Variants in ATXN10 observed in about 807,000 individuals in gnomAD.
The protein encoded by ATXN10 is ataxin 10.
A neutral mutation model predicts 52.9 loss-of-function variants in ATXN10; 28 were observed. That is an observed-to-expected ratio of 0.53 (90% CI 0.39 to 0.73). The LOEUF (loss-of-function observed/expected upper bound fraction) is 0.73, where lower values mean the gene tolerates loss of function less well. ATXN10 is among the 30% of genes least tolerant of loss of function. The pLI is 0.00. For missense variants in ATXN10, 565 were observed against 577.0 expected (o/e 0.98, Z 0.21); for synonymous variants, 226 against 221.5 (o/e 1.02, Z -0.18).
At chr22:45,689,320 T>C in intron 1 of ATXN10, 1 of 279,598 alleles carries the variant, frequency 3.6e-6, no homozygotes, top group Non-Finnish European at 6.9e-6. Context: ...TCACTGGAAC[T>C]GGGATTTGGG....
In ATXN10 at chr22:45,843,295, C is replaced by G; in HGVS notation, c.1425+117C>G. On this transcript the variant is annotated intron_variant, in intron 11 of 11. Transcript: ENST00000252934. The surrounding 1 kb of genome is among the most constrained non-coding windows in gnomAD (Gnocchi z 4.5). ...AATATGGATGGGAGAATTGTGCCCT[C>G]TATAGTGGTTTACCGAGGAAAGCCC... 1 of 1,188,218 alleles carries G rather than the reference C, an allele frequency of 8.4e-7. No homozygotes were observed. The highest frequency in any genetic ancestry group is 1.2e-6 in the Non-Finnish European group (1 of 816,676). 73.6% of individuals were successfully genotyped at this position (1,188,218 alleles called of 1,614,324 possible).
At position 45,683,810 on chromosome 22, in the gene ATXN10, C is replaced by T. The variant is rs764027619; in HGVS notation, c.117-5902C>T. On this transcript the variant is annotated intron_variant, in intron 1 of 11. Coordinates refer to ENST00000252934, the MANE Select transcript of ATXN10 (RefSeq NM_013236.4). The surrounding 1 kb of genome is among the most constrained non-coding windows in gnomAD (Gnocchi z 4.8). The stretch of plus-strand genomic sequence containing the variant: ...CTCTTCGAGCACAGTCCATCTTCCC[C>T]AGGTCTTTAATGCTATTGATAGATG... 1.3e-5 allele frequency among the ~76,000 whole-genome samples: 2 copies of T among 152,186 alleles called. No individual in the cohort carries two copies. The highest frequency in any genetic ancestry group is 2.4e-5 in the African/African-American group (1 of 41,440).
intron 9 of ATXN10, among the ~76,000 whole-genome samples, chr22:45,802,411 T>C (rs951013665): frequency 9.2e-5 from 14 of 152,236 alleles, no homozygotes; most frequent in Non-Finnish European, 1.8e-4. Context: ...AGCAGTAAAC[T>C]TGGACTTTGT....
rs184673906 is a variant in ATXN10, at chr22:45,773,151, C to T, written c.1173+32613C>T. Among the ~76,000 whole-genome samples, 267 of 152,280 alleles carry T rather than the reference C, an allele frequency of 1.8e-3. 1 individual carries two copies. The highest frequency in any genetic ancestry group is 3.1e-3 in the Non-Finnish European group (211 of 68,028). ...ATAGCCAGTTCCTGGTTGTTCGTCT[C>T]GCATGTGGAAATATGGTTAACTTTT... is the stretch of plus-strand genomic sequence containing the variant. On this transcript the variant is annotated intron_variant, in intron 9 of 11. Transcript: ENST00000252934.
chr22:45,804,252 C>CT (rs969174280), intron 9 of ATXN10, among the ~76,000 whole-genome samples: 6 of 152,244 alleles, frequency 3.9e-5, no homozygotes, highest in African/African-American at 1.4e-4. Context: ...CTGAGCCTCA[C>CT]TTTTTTATCT....
rs1222022205 is a variant in ATXN10 at position 45,772,884 on chromosome 22, T to C, written c.1173+32346T>C. On this transcript the variant is annotated intron_variant, in intron 9 of 11. Transcript: ENST00000252934. This position sits in a 1 kb window ranked among gnomAD's most constrained non-coding sequence, Gnocchi z 4.1. ...AAGTCCCTGATACAAAATGGTATGG[T>C]ATTTGCATATCACCTATGTACATCC... 6.6e-6 allele frequency among the ~76,000 whole-genome samples: 1 copy of C among 152,254 alleles called. No individual in the cohort carries two copies. The highest frequency in any genetic ancestry group is 2.1e-4 in the South Asian group (1 of 4,838).
Position 45,769,320 on chromosome 22 carries a change from A to G in ATXN10, c.1173+28782A>G, listed in dbSNP as rs1256873875. On this transcript the variant is annotated intron_variant, in intron 9 of 11. Coordinates refer to ENST00000252934, the MANE Select transcript of ATXN10 (RefSeq NM_013236.4). The surrounding 1 kb of genome is among the most constrained non-coding windows in gnomAD (Gnocchi z 4.2). ...CCCATACAGACACATTTTTGTTGTT[A>G]TATTCATAGACACAACAGACATTTC... 6.6e-6 allele frequency among the ~76,000 whole-genome samples: 1 copy of G among 152,068 alleles called. No homozygotes were observed. Among genetic ancestry groups the G allele is most frequent in the Admixed American group, 6.6e-5 (1 of 15,262 alleles).
In ATXN10 at chr22:45,781,248, A is replaced by C. The variant is rs1228736277; in HGVS notation, c.1174-25711A>C. The stretch of plus-strand genomic sequence containing the variant: ...CACCCCTGCTAGGTGGTGTCAGAGA[A>C]GATGGAGCTGGGAGCCAGGTTTTTA... On this transcript the variant is annotated intron_variant, in intron 9 of 11. Coordinates refer to ENST00000252934, the MANE Select transcript of ATXN10 (RefSeq NM_013236.4). This position sits in a 1 kb window ranked among gnomAD's most constrained non-coding sequence, Gnocchi z 4.2. 2.0e-5 allele frequency among the ~76,000 whole-genome samples: 3 copies of C among 152,080 alleles called. No individual in the cohort carries two copies. Among genetic ancestry groups the C allele is most frequent in the African/African-American group, 7.2e-5 (3 of 41,414 alleles).
chr22:45,735,733 AG>A (rs1470110645), intron 7 of ATXN10, among the ~76,000 whole-genome samples: 1 of 151,038 alleles, frequency 6.6e-6, no homozygotes, highest in East Asian at 1.9e-4. Context: ...TAACTGAGAC[AG>A]GTGAGCTAGA....
At chr22:45,796,274 C>T (rs1927734629) in intron 9 of ATXN10, among the ~76,000 whole-genome samples, 3 of 152,220 alleles carry the variant, frequency 2.0e-5, no homozygotes, top group Non-Finnish European at 4.4e-5. Flanking sequence ...GAATTCTAGT[C>T]AGACCGGTTG....
At chr22:45,729,792 C>G in intron 7 of ATXN10, 1 of 648,030 alleles carries the variant, frequency 1.5e-6, no homozygotes, top group South Asian at 1.6e-5. Flanking sequence ...ATGACTTAGG[C>G]AAATTCTGGT....
chr22:45,778,068 A>G (rs1927022037), intron 9 of ATXN10, among the ~76,000 whole-genome samples: 1 of 152,226 alleles, frequency 6.6e-6, no homozygotes, highest in African/African-American at 2.4e-5. Flanking sequence ...GAGTAGTTGC[A>G]GTGGAGACCG....
At chr22:45,751,100 A>T (rs1008562699) in intron 9 of ATXN10, among the ~76,000 whole-genome samples, 1 of 150,966 alleles carries the variant, frequency 6.6e-6, no homozygotes, top group African/African-American at 2.4e-5. Flanking sequence ...CTGGCTAATT[A>T]TTGTATTTTT....
intron 5 of ATXN10, among the ~76,000 whole-genome samples, chr22:45,717,917 T>A (rs960631822): frequency 1.3e-5 from 2 of 152,190 alleles, no homozygotes; most frequent in Non-Finnish European, 2.9e-5. Context: ...GTTGATCTCT[T>A]AAGTTTAGAT....
At position 45,762,533 on chromosome 22, in the gene ATXN10, G is replaced by T. The variant is rs780146849; in HGVS notation, c.1173+21995G>T. On this transcript the variant is annotated intron_variant, in intron 9 of 11. Transcript: ENST00000252934. This position sits in a 1 kb window ranked among gnomAD's most constrained non-coding sequence, Gnocchi z 4.3. ...TTGTGTCTTCCTGGGAGGCTCCCAG[G>T]CATGCTCCTGTCTGGCCAGGGTGCT... Among the ~76,000 whole-genome samples the T allele has an allele frequency of 3.3e-5, 5 of 152,276 alleles. No individual in the cohort carries two copies. The highest frequency in any genetic ancestry group is 7.4e-5 in the Non-Finnish European group (5 of 68,016).
At chr22:45,812,374 A>C (rs891005008) in intron 10 of ATXN10, among the ~76,000 whole-genome samples, 1 of 152,208 alleles carries the variant, frequency 6.6e-6, no homozygotes, top group Non-Finnish European at 1.5e-5. Flanking sequence ...TATTTCTTAG[A>C]TAGATACCTG....
At chr22:45,755,165 C>CTT (rs1221448136) in intron 9 of ATXN10, among the ~76,000 whole-genome samples, 2 of 152,234 alleles carry the variant, frequency 1.3e-5, no homozygotes, top group Non-Finnish European at 2.9e-5. Context: ...CTGCACAGTG[C>CTT]TTGTAAATCC....
chr22:45,712,193 G>C lies in ATXN10; in HGVS notation c.648-6220G>C, dbSNP rs929234280. 3.9e-5 allele frequency among the ~76,000 whole-genome samples: 6 copies of C among 152,110 alleles called. No individual in the cohort carries two copies. The highest frequency in any genetic ancestry group is 8.8e-5 in the Non-Finnish European group (6 of 68,012). Reference sequence around the variant, plus strand: ...GTGACCTCCCCTGGGGGCACAGGCTGTCAGGTTTGGGCCCACTCTTGAAGG... The same window carrying C: ...GTGACCTCCCCTGGGGGCACAGGCTCTCAGGTTTGGGCCCACTCTTGAAGG... On this transcript the variant is annotated intron_variant, in intron 5 of 11. Transcript: ENST00000252934. The surrounding 1 kb of genome is among the most constrained non-coding windows in gnomAD (Gnocchi z 4.6).
chr22:45,716,888 G>A (rs1924469658), intron 5 of ATXN10, among the ~76,000 whole-genome samples: 1 of 152,124 alleles, frequency 6.6e-6, no homozygotes, highest in Non-Finnish European at 1.5e-5. Flanking sequence ...ATGAAAGAAT[G>A]TGTAGTTATC....
Sources: gnomAD v4.1 joint callset for allele counts (sites outside exome capture counted in the v4.1 genomes callset) on GRCh38, gnomAD v4.1.1 for gene constraint, Gnocchi (gnomAD v3.1) non-coding constraint, MANE v1.5 for transcripts, NCBI Gene and HGNC (gene_info 2026-07-23, HGNC 2026-07-21) for gene names.